Variants in ZFHX3 observed in about 807,000 individuals in gnomAD.
ZFHX3 encodes the protein zinc finger homeobox 3.
Under a neutral mutation model 279.1 loss-of-function variants are expected in ZFHX3, and 42 were observed. That is an observed-to-expected ratio of 0.15 (90% confidence interval 0.12 to 0.19). The LOEUF (loss-of-function observed/expected upper bound fraction) is 0.19, where lower values mean the gene tolerates loss of function less well. Ranked by LOEUF, ZFHX3 falls within the 10% of genes least tolerant of loss-of-function variation. ZFHX3 has a pLI of 1.00. For synonymous variants in ZFHX3, 2,293 were observed against 1,957.8 expected (o/e 1.17, Z -4.52); for missense variants, 4,981 against 4,754.0 (o/e 1.05, Z -1.40).
intron 1 of ZFHX3, among the ~76,000 whole-genome samples, chr16:73,715,810 G>A (rs1211602440): frequency 1.3e-5 from 2 of 151,974 alleles, no homozygotes; most frequent in African/African-American, 2.4e-5. Flanking sequence ...CTGACGTCGT[G>A]ATCCACCCAC....
upstream of ZFHX3, chr16:73,061,433 A>T: frequency 6.9e-6 from 1 of 145,204 alleles, no homozygotes; most frequent in Non-Finnish European, 1.5e-5. Context: ...CACAACCTCT[A>T]CTGTGATTAA....
At chr16:73,459,530 T>G (rs959074058) in intron 2 of ZFHX3, among the ~76,000 whole-genome samples, 1 of 152,098 alleles carries the variant, frequency 6.6e-6, no homozygotes, top group Admixed American at 6.5e-5. Flanking sequence ...ACCAGCTCAT[T>G]TTTGTAAATT....
At chr16:73,513,245 G>C (rs1248408772) in intron 2 of ZFHX3, among the ~76,000 whole-genome samples, 1 of 152,186 alleles carries the variant, frequency 6.6e-6, no homozygotes, top group Non-Finnish European at 1.5e-5. Context: ...TGATGTGACT[G>C]CAGTTACCAC....
Position 72,824,809 on chromosome 16 carries a change from T to C in ZFHX3, c.3529+4970A>G, listed in dbSNP as rs140421316. Among the ~76,000 whole-genome samples, 15 of 152,358 alleles carry C rather than the reference T, an allele frequency of 9.8e-5. No individual in the cohort carries two copies. The East Asian group carries it at 2.9e-3, about 29-fold the overall frequency. ...AATCACTGCATTAATCATTGCTCAGTTGCTGACACGGGGGGCTCTTCATTC... is the reference window on the plus strand; with the variant it reads ...AATCACTGCATTAATCATTGCTCAGCTGCTGACACGGGGGGCTCTTCATTC... On this transcript the variant is annotated intron_variant, in intron 5 of 9. Coordinates refer to ENST00000268489, the MANE Select transcript of ZFHX3 (RefSeq NM_006885.4).
At chr16:72,941,458 T>C (rs1424934052) in intron 3 of ZFHX3, among the ~76,000 whole-genome samples, 1 of 152,090 alleles carries the variant, frequency 6.6e-6, no homozygotes, top group Non-Finnish European at 1.5e-5. Context: ...TATCCAGAGG[T>C]AGAGCTGCTA....
intron 3 of ZFHX3, among the ~76,000 whole-genome samples, chr16:73,438,020 G>T (rs997677622): frequency 5.9e-5 from 9 of 151,948 alleles, no homozygotes; most frequent in Non-Finnish European, 1.3e-4. Context: ...TTTTTCTTGA[G>T]TTGGGTGTTC....
At chr16:73,307,305 T>G (rs1383904078) in intron 4 of ZFHX3, among the ~76,000 whole-genome samples, 1 of 152,182 alleles carries the variant, frequency 6.6e-6, no homozygotes, top group African/African-American at 2.4e-5. Flanking sequence ...CTGACCTATA[T>G]TTAGAAAACT....
chr16:73,648,663 T>C (rs904622790), intron 2 of ZFHX3, among the ~76,000 whole-genome samples: 7 of 152,162 alleles, frequency 4.6e-5, no homozygotes, highest in African/African-American at 1.7e-4. Context: ...ACACCCGCCT[T>C]GGCCTCCCAA....
intron 1 of ZFHX3, among the ~76,000 whole-genome samples, chr16:73,859,083 T>C (rs1045986200): frequency 6.6e-6 from 1 of 152,178 alleles, no homozygotes; most frequent in Non-Finnish European, 1.5e-5. Context: ...CAGCTAAATA[T>C]GAGGAAACAT....
At chr16:73,841,479 CGGCAT>C (rs893615495) in intron 1 of ZFHX3, among the ~76,000 whole-genome samples, 7 of 152,026 alleles carry the variant, frequency 4.6e-5, no homozygotes, top group African/African-American at 1.7e-4. Flanking sequence ...GCTGGGAGAT[CGGCAT>C]GACCAAGCTG....
intron 1 of ZFHX3, among the ~76,000 whole-genome samples, chr16:73,823,301 G>T (rs185860291): frequency 6.6e-6 from 1 of 152,254 alleles, no homozygotes; most frequent in East Asian, 1.9e-4. Flanking sequence ...GATGGCCAGA[G>T]AGGCCACAGT....
At chr16:73,611,054 T>C (rs1167658995) in intron 2 of ZFHX3, among the ~76,000 whole-genome samples, 1 of 152,232 alleles carries the variant, frequency 6.6e-6, no homozygotes. Flanking sequence ...ACCCCTGTGA[T>C]AGGTCTCATA....
intron 3 of ZFHX3, among the ~76,000 whole-genome samples, chr16:72,925,934 C>T (rs1959426674): frequency 6.6e-6 from 1 of 152,168 alleles, no homozygotes; most frequent in African/African-American, 2.4e-5. Flanking sequence ...CTTGAAAGGG[C>T]CCTATATTTG....
intron 4 of ZFHX3, among the ~76,000 whole-genome samples, chr16:73,267,960 T>C (rs762092892): frequency 3.9e-5 from 6 of 152,214 alleles, no homozygotes; most frequent in Non-Finnish European, 5.9e-5. Context: ...GTGTATCTGT[T>C]GGTAAAAATG....
At chr16:73,043,172 A>T (rs1307592877) in intron 1 of ZFHX3, among the ~76,000 whole-genome samples, 1 of 152,178 alleles carries the variant, frequency 6.6e-6, no homozygotes. Context: ...AGCTCAAAGA[A>T]CACACAGCAG....
intron 3 of ZFHX3, among the ~76,000 whole-genome samples, chr16:73,356,500 C>T (rs1412495024): frequency 1.3e-5 from 2 of 152,008 alleles, no homozygotes; most frequent in Non-Finnish European, 2.9e-5. Flanking sequence ...GACGGGACCC[C>T]TCACGGCGGT....
rs2019498472 is a variant in ZFHX3, at chr16:73,515,200, C to T, written c.-1546-58942G>A. On this transcript the variant is annotated intron_variant, in intron 2 of 17. Coordinates refer to the ZFHX3 transcript ENST00000641206. ...GTATTTTTGTGTGCAGAAGGGCAGC[C>T]CAGTGGAAACTTAACAAGTCTTCTC... is the stretch of plus-strand genomic sequence containing the variant. 3.3e-5 allele frequency among the ~76,000 whole-genome samples: 5 copies of T among 152,192 alleles called. No homozygotes were observed. In the South Asian group the frequency reaches 1.0e-3, roughly 32 times the overall value.
intron 1 of ZFHX3, among the ~76,000 whole-genome samples, chr16:73,887,392 T>A (rs1021593798): frequency 9.9e-5 from 15 of 152,220 alleles, no homozygotes; most frequent in African/African-American, 3.6e-4. Context: ...AAACAAACTC[T>A]TAAAACATTC....
chr16:72,960,200 G>C lies in ZFHX3; in HGVS notation c.-49-6C>G. On this transcript the variant is annotated splice_polypyrimidine_tract_variant and splice_region_variant and intron_variant, in intron 1 of 9. Transcript: ENST00000268489. The stretch of plus-strand genomic sequence containing the variant: ...CCCAGTACGGAGGCTCGGACCTGAA[G>C]GGCAGAGGCAAGGGGGGAGGAGGGA... The C allele has an allele frequency of 6.7e-7, 1 of 1,491,592 alleles. No homozygotes were observed. Among genetic ancestry groups the C allele is most frequent in the African/African-American group, 1.4e-5 (1 of 71,504 alleles). 92.4% of individuals were successfully genotyped at this position (1,491,592 alleles called of 1,614,324 possible).
Sources: allele counts gnomAD v4.1 joint callset (sites outside exome capture counted in the v4.1 genomes callset), GRCh38; gene constraint gnomAD v4.1.1; transcripts MANE v1.5; gene names NCBI Gene and HGNC (gene_info 2026-07-23, HGNC 2026-07-21).